ASAP1: variants seen among roughly 807,000 people sequenced by gnomAD.
The protein encoded by ASAP1 is ArfGAP with SH3 domain, ankyrin repeat and PH domain 1, also known as arf-GAP with SH3 domain, ANK repeat and PH domain-containing protein 1.
In ASAP1, 43 loss-of-function variants were observed where a neutral mutation model predicts 145.2. That is an observed-to-expected ratio of 0.30 (90% CI 0.23 to 0.38). The LOEUF is 0.38. Ranked by LOEUF, ASAP1 falls within the 10% of genes least tolerant of loss-of-function variation. ASAP1 has a pLI of 1.00. For synonymous variants in ASAP1, 546 were observed against 515.5 expected (o/e 1.06, Z -0.80); for missense variants, 1,018 against 1,355.3 (o/e 0.75, Z 3.91).
At chr8:130,138,836 C>CAAAAAAAA (rs754901058) in intron 13 of ASAP1, among the ~76,000 whole-genome samples, 2 of 81,428 alleles carry the variant, frequency 2.5e-5, no homozygotes, top group African/African-American at 4.7e-5. Flanking sequence ...AACTCCGTCT[C>CAAAAAAAA]AAAAAAAAAA....
intron 1 of ASAP1, among the ~76,000 whole-genome samples, chr8:130,435,799 G>C (rs1001644153): frequency 2.0e-5 from 3 of 152,148 alleles, no homozygotes; most frequent in Non-Finnish European, 4.4e-5. Context: ...ATCTGAGTAA[G>C]GAAAAAAGGC....
intron 12 of ASAP1, among the ~76,000 whole-genome samples, chr8:130,154,213 C>T (rs1430518166): frequency 6.6e-6 from 1 of 151,820 alleles, no homozygotes. Flanking sequence ...GCCTCAGAGC[C>T]CCGAGAAAAA....
chr8:130,076,254 T>G, intron 27 of ASAP1, 94 bp downstream of exon 27: 1 of 806,998 alleles, frequency 1.2e-6, no homozygotes, highest in Non-Finnish European at 2.0e-6. Context: ...GCATTTGGGA[T>G]GGATCAATGA....
intron 3 of ASAP1, among the ~76,000 whole-genome samples, chr8:130,327,596 T>G (rs1824418494): frequency 6.6e-6 from 1 of 152,164 alleles, no homozygotes; most frequent in Non-Finnish European, 1.5e-5. Context: ...CCTATAATCA[T>G]GAAAATAAAT....
At chr8:130,244,034 T>G (rs980657730) in intron 3 of ASAP1, among the ~76,000 whole-genome samples, 2 of 152,158 alleles carry the variant, frequency 1.3e-5, no homozygotes, top group Admixed American at 1.3e-4. Flanking sequence ...GATGACCTAT[T>G]AAATTCATTT....
In ASAP1 at chr8:130,374,347, ATAT is replaced by A. The variant is rs1469492724; in HGVS notation, c.60-16207_60-16205del. ...GTTTTCCATGAAGCTAATACTAAAA[ATAT>A]TATTTCTCTGATGATGTTAATTAAA... On this transcript the variant is annotated intron_variant, in intron 2 of 29. Coordinates refer to ENST00000518721, the MANE Select transcript of ASAP1 (RefSeq NM_018482.4). Among the ~76,000 whole-genome samples the A allele has an allele frequency of 2.0e-5, 3 of 152,360 alleles. No homozygotes were observed. In the East Asian group the frequency reaches 5.8e-4, roughly 29 times the overall value.
At chr8:130,136,882 C>A (rs2097596029) in intron 14 of ASAP1, 69 bp downstream of exon 14, 2 of 1,332,734 alleles carry the variant, frequency 1.5e-6, no homozygotes, top group Admixed American at 3.4e-5. Context: ...AAGCTGCTGA[C>A]CTGGAGAATG....
At chr8:130,121,639 T>C (rs2135686348) in intron 18 of ASAP1, among the ~76,000 whole-genome samples, 1 of 151,458 alleles carries the variant, frequency 6.6e-6, no homozygotes, top group South Asian at 2.1e-4. Context: ...AAAAAACTAG[T>C]CGGGCATAGT....
chr8:130,291,730 GGAGA>G (rs1821955883), intron 3 of ASAP1, among the ~76,000 whole-genome samples: 1 of 152,198 alleles, frequency 6.6e-6, no homozygotes, highest in Non-Finnish European at 1.5e-5. Flanking sequence ...CACATAGCAA[GGAGA>G]GAGATTCACT....
intron 1 of ASAP1, among the ~76,000 whole-genome samples, chr8:130,412,838 T>C (rs1446767525): frequency 1.3e-5 from 2 of 151,748 alleles, no homozygotes; most frequent in Non-Finnish European, 2.9e-5. Context: ...AGAGATGAGG[T>C]TTCACATGTT....
chr8:130,091,006 T>G (rs367871006), intron 25 of ASAP1, among the ~76,000 whole-genome samples: 1 of 152,206 alleles, frequency 6.6e-6, no homozygotes, highest in Non-Finnish European at 1.5e-5. Flanking sequence ...AGACCCTGTT[T>G]CGTGATGGGG....
intron 24 of ASAP1, among the ~76,000 whole-genome samples, chr8:130,101,558 G>T (rs773896036): frequency 4.0e-5 from 6 of 151,340 alleles, no homozygotes; most frequent in Non-Finnish European, 7.4e-5. Flanking sequence ...TCGTAAAAGG[G>T]ATTGCTTTCT....
intron 13 of ASAP1, among the ~76,000 whole-genome samples, chr8:130,147,865 G>A (rs1303118077): frequency 6.6e-6 from 1 of 152,156 alleles, no homozygotes; most frequent in Non-Finnish European, 1.5e-5. Context: ...AGACCTTAAT[G>A]AACTTCTGTG....
intron 13 of ASAP1, among the ~76,000 whole-genome samples, chr8:130,150,471 T>C (rs936861852): frequency 2.0e-5 from 3 of 152,190 alleles, no homozygotes; most frequent in African/African-American, 7.2e-5. Flanking sequence ...AGCAAATAGA[T>C]ACAACATGAT....
intron 3 of ASAP1, among the ~76,000 whole-genome samples, chr8:130,319,494 C>T (rs989785046): frequency 6.6e-6 from 1 of 152,088 alleles, no homozygotes; most frequent in Non-Finnish European, 1.5e-5. Context: ...GCTATGGGAA[C>T]ACTGAGTGGC....
intron 4 of ASAP1, among the ~76,000 whole-genome samples, chr8:130,219,517 G>A (rs888667531): frequency 6.6e-6 from 1 of 152,196 alleles, no homozygotes; most frequent in South Asian, 2.1e-4. Context: ...TTCTGAAGGA[G>A]ACGGACTGAT....
intron 11 of ASAP1, among the ~76,000 whole-genome samples, chr8:130,164,193 G>A (rs540066386): frequency 1.3e-5 from 2 of 152,212 alleles, no homozygotes; most frequent in Non-Finnish European, 2.9e-5. Context: ...AAACGATAAT[G>A]TGATGGGGTT....
At chr8:130,103,761 G>T (rs1471676240) in intron 24 of ASAP1, among the ~76,000 whole-genome samples, 1 of 152,176 alleles carries the variant, frequency 6.6e-6, no homozygotes, top group Non-Finnish European at 1.5e-5. Flanking sequence ...TGATCCACCT[G>T]CCTCGGCCTC....
At chr8:130,383,570 G>T (rs1444072442) in intron 2 of ASAP1, among the ~76,000 whole-genome samples, 1 of 152,170 alleles carries the variant, frequency 6.6e-6, no homozygotes, top group East Asian at 1.9e-4. Context: ...CACTGCAGTG[G>T]CGTGTGGGAT....
Sources: allele counts gnomAD v4.1 joint callset (sites outside exome capture counted in the v4.1 genomes callset), GRCh38; gene constraint gnomAD v4.1.1; transcripts MANE v1.5; gene names NCBI Gene and HGNC (gene_info 2026-07-23, HGNC 2026-07-21).